The following ATRN variants were observed in gnomAD, a reference collection of about 807,000 sequenced individuals.
The protein encoded by ATRN is attractin-2.
ATRN carries 54 observed loss-of-function variants against 178.7 expected under a neutral mutation model. That is an observed-to-expected ratio of 0.30 (90% confidence interval 0.24 to 0.38). The LOEUF (loss-of-function observed/expected upper bound fraction) is 0.38. Among genes scored for constraint, ATRN ranks in the 10% least tolerant of loss-of-function variants. The pLI, the probability that ATRN is intolerant of heterozygous loss-of-function variation, is 1.00. For missense variants in ATRN, 1,443 were observed against 1,815.1 expected (o/e 0.79, Z 3.73); for synonymous variants, 636 against 663.0 (o/e 0.96, Z 0.63).
chr20:3,566,062 T>C (rs972929985), intron 11 of ATRN, among the ~76,000 whole-genome samples: 1 of 152,166 alleles, frequency 6.6e-6, no homozygotes, highest in African/African-American at 2.4e-5. Flanking sequence ...CATTGTCTTA[T>C]GTCCTTTGTT....
intron 11 of ATRN, among the ~76,000 whole-genome samples, chr20:3,569,362 T>C (rs1430598484): frequency 6.6e-6 from 1 of 152,166 alleles, no homozygotes; most frequent in Admixed American, 6.5e-5. Flanking sequence ...ATACTGTAGG[T>C]CATTGTAATG....
intron 1 of ATRN, among the ~76,000 whole-genome samples, chr20:3,502,200 A>C (rs370184429): frequency 2.2e-4 from 33 of 152,240 alleles, no homozygotes; most frequent in African/African-American, 7.7e-4. Flanking sequence ...AAGACCTGAA[A>C]ATTTAAAAAT....
rs762114398 is a variant in ATRN, at chr20:3,559,435, T to G, written c.1155T>G (p.Ser385=). The change falls in exon 7 of 29, where the codon TCT becomes TCG. Residue 385 remains serine, a synonymous_variant. Coordinates refer to ENST00000262919, the MANE Select transcript of ATRN (RefSeq NM_139321.3). ...ASREWLPLNR[S]VNNVVVRYGH... ...GGGAGTGGCTTCCACTAAACCGTTCTGTGAACAATGTGGTTGTTAGATATG... is the reference window on the plus strand; with the variant it reads ...GGGAGTGGCTTCCACTAAACCGTTCGGTGAACAATGTGGTTGTTAGATATG... 7 of 1,614,056 alleles carry G rather than the reference T, an allele frequency of 4.3e-6. No individual in the cohort carries two copies. Among genetic ancestry groups the G allele is most frequent in the Non-Finnish European group, 4.2e-6 (5 of 1,179,900 alleles).
At chr20:3,505,482 A>T (rs147357306) in intron 1 of ATRN, among the ~76,000 whole-genome samples, 8 of 152,282 alleles carry the variant, frequency 5.3e-5, no homozygotes, top group Middle Eastern at 3.4e-3. Context: ...GTGTGAGCCA[A>T]TTTCCTTAAT....
intron 24 of ATRN, among the ~76,000 whole-genome samples, chr20:3,619,752 G>A (rs1381750198): frequency 6.6e-6 from 1 of 152,108 alleles, no homozygotes; most frequent in African/African-American, 2.4e-5. Context: ...CTTCCCTCAG[G>A]AACATACAGA....
chr20:3,560,434 A>G lies in ATRN; in HGVS notation c.1204-228A>G, dbSNP rs554222458. Among the ~76,000 whole-genome samples, 213 of 152,226 alleles carry G rather than the reference A, an allele frequency of 1.4e-3. 6 individuals are homozygous for G. The South Asian group carries it at 0.039, about 28-fold the overall frequency. ...TGATTCCATGTTTTGGCTATTGTCA[A>G]TTGTGCTGCAATTAACATGGGAGTG... On this transcript the variant is annotated intron_variant, in intron 7 of 28. Transcript: ENST00000262919.
chr20:3,493,217 A>G (rs2084831886), intron 1 of ATRN, among the ~76,000 whole-genome samples: 1 of 150,968 alleles, frequency 6.6e-6, no homozygotes, highest in Non-Finnish European at 1.5e-5. Context: ...CAGTGGCATG[A>G]TCTATAGCTC....
In ATRN at chr20:3,471,046, G is replaced by T. The variant is rs1402250158; in HGVS notation, c.-62G>T. On this transcript the variant is annotated 5_prime_UTR_variant, in exon 1 of 29. Coordinates refer to ENST00000262919, the MANE Select transcript of ATRN (RefSeq NM_139321.3). Reference sequence around the variant, plus strand: ...GCCCCGCCCCGCACGGCCAGGCGAAGCGGAGCCGGCCGTGCGGTGTGTGTG... The same window carrying T: ...GCCCCGCCCCGCACGGCCAGGCGAATCGGAGCCGGCCGTGCGGTGTGTGTG... 1 of 1,436,778 alleles carries T rather than the reference G, an allele frequency of 7.0e-7. No individual in the cohort carries two copies. The highest frequency in any genetic ancestry group is 1.4e-5 in the South Asian group (1 of 70,672). The allele number at this position is 1,436,778 out of a possible 1,614,324, so 89.0% of individuals were successfully genotyped here.
At chr20:3,643,042 C>G (rs1418725470) in intron 27 of ATRN, among the ~76,000 whole-genome samples, 1 of 152,148 alleles carries the variant, frequency 6.6e-6, no homozygotes, top group East Asian at 1.9e-4. Context: ...CTCACTGTAG[C>G]CTCAAACTCT....
At chr20:3,506,405 C>T (rs2085044989) in intron 1 of ATRN, among the ~76,000 whole-genome samples, 1 of 151,988 alleles carries the variant, frequency 6.6e-6, no homozygotes, top group Non-Finnish European at 1.5e-5. Context: ...AGGTGGATCA[C>T]CTGAGGTCAG....
At chr20:3,545,631 C>G (rs1568720206) in intron 3 of ATRN, 131 bp from the exon 4 acceptor site, 2 of 1,149,434 alleles carry the variant, frequency 1.7e-6, no homozygotes, top group East Asian at 5.0e-5. Context: ...GTGTTTATCA[C>G]AGGAATTTGC....
intron 24 of ATRN, among the ~76,000 whole-genome samples, chr20:3,615,146 GT>G (rs2086824970): frequency 6.6e-6 from 1 of 152,122 alleles, no homozygotes; most frequent in Non-Finnish European, 1.5e-5. Flanking sequence ...TATCTTAAGA[GT>G]TTTAAGAATT....
chr20:3,501,843 A>G (rs1272237918), intron 1 of ATRN, among the ~76,000 whole-genome samples: 1 of 152,176 alleles, frequency 6.6e-6, no homozygotes, highest in Non-Finnish European at 1.5e-5. Flanking sequence ...ATCGGGGGAC[A>G]CAGTTGGATT....
chr20:3,489,014 G>T (rs1284987458), intron 1 of ATRN, among the ~76,000 whole-genome samples: 1 of 152,184 alleles, frequency 6.6e-6, no homozygotes, highest in Non-Finnish European at 1.5e-5. Flanking sequence ...AGGCTGGAGT[G>T]CAGTGGCGTG....
chr20:3,608,564 C>T (rs663910), intron 24 of ATRN, among the ~76,000 whole-genome samples: 15,019 of 152,068 alleles, frequency 0.099, 1,039 homozygotes, highest in African/African-American at 0.2. Context: ...TCCACTGGTC[C>T]GTGTATCTGT....
At chr20:3,584,229 C>T (rs971090073) in intron 17 of ATRN, 146 bp downstream of exon 17, 6 of 820,410 alleles carry the variant, frequency 7.3e-6, no homozygotes, top group African/African-American at 1.7e-5. Flanking sequence ...AGACTGCCAT[C>T]GAGACCTTGC....
chr20:3,496,459 G>C (rs1246527114), intron 1 of ATRN, among the ~76,000 whole-genome samples: 1 of 152,104 alleles, frequency 6.6e-6, no homozygotes, highest in East Asian at 1.9e-4. Context: ...TAGTTGAGCA[G>C]TTTTGAGTGA....
At chr20:3,623,483 C>CT (rs1395838950) in intron 24 of ATRN, among the ~76,000 whole-genome samples, 2 of 152,144 alleles carry the variant, frequency 1.3e-5, no homozygotes, top group African/African-American at 4.8e-5. Flanking sequence ...CAGTGGAAGT[C>CT]TATTTTCTGG....
chr20:3,555,475 T>C (rs1233673275), intron 6 of ATRN, among the ~76,000 whole-genome samples: 1 of 151,884 alleles, frequency 6.6e-6, no homozygotes, highest in East Asian at 1.9e-4. Flanking sequence ...GGGGGAGAAA[T>C]TGACCAAGTG....
Sources: allele counts gnomAD v4.1 joint callset (sites outside exome capture counted in the v4.1 genomes callset), GRCh38; gene constraint gnomAD v4.1.1; transcripts MANE v1.5; gene names NCBI Gene and HGNC (gene_info 2026-07-23, HGNC 2026-07-21).